The following SLC35F4 variants were observed in gnomAD, a reference collection of about 807,000 sequenced individuals.
SLC35F4 encodes the protein solute carrier family 35 member F4, also known as chromosome 14 open reading frame 36.
SLC35F4 carries 24 observed loss-of-function variants against 44.2 expected under a neutral mutation model. The ratio of observed to expected loss-of-function variants is 0.54; its 90% CI spans 0.39 to 0.76. The LOEUF (loss-of-function observed/expected upper bound fraction) is 0.76. SLC35F4 is among the 30% of genes least tolerant of loss of function. The pLI is 0.00. For synonymous variants in SLC35F4, 238 were observed against 223.6 expected (o/e 1.06, Z -0.57); for missense variants, 562 against 586.1 (o/e 0.96, Z 0.42).
At chr14:57,927,467 G>GT (rs34018712) in intron 1 of SLC35F4, among the ~76,000 whole-genome samples, 13,689 of 140,662 alleles carry the variant, frequency 0.097, 1,624 homozygotes, top group East Asian at 0.4. Flanking sequence ...GGTGGTTTGA[G>GT]TTTTTTTTTT....
chr14:57,970,448 T>C (rs556672229), intron 1 of SLC35F4, among the ~76,000 whole-genome samples: 7 of 152,210 alleles, frequency 4.6e-5, no homozygotes, highest in Non-Finnish European at 8.8e-5. Context: ...TCAGAAAGCC[T>C]GCATGACAGT....
intron 1 of SLC35F4, among the ~76,000 whole-genome samples, chr14:57,886,756 C>T (rs60381873): frequency 0.018 from 2,695 of 147,450 alleles, 85 homozygotes; most frequent in African/African-American, 0.064. Context: ...AGCTTTTGGC[C>T]GAAAAAAAAA....
At chr14:57,900,665 C>T (rs1046147239) in intron 1 of SLC35F4, among the ~76,000 whole-genome samples, 1 of 152,060 alleles carries the variant, frequency 6.6e-6, no homozygotes, top group Non-Finnish European at 1.5e-5. Flanking sequence ...GCAACAAAAG[C>T]AAAAATTGAC....
At chr14:57,977,981 G>C (rs1285642032) in intron 1 of SLC35F4, among the ~76,000 whole-genome samples, 1 of 152,122 alleles carries the variant, frequency 6.6e-6, no homozygotes, top group Admixed American at 6.6e-5. Flanking sequence ...CAGGATTCAG[G>C]GAGGAGCAAA....
chr14:57,582,645 G>T (rs1164865636), intron 3 of SLC35F4, among the ~76,000 whole-genome samples: 1 of 152,152 alleles, frequency 6.6e-6, no homozygotes, highest in Non-Finnish European at 1.5e-5. Flanking sequence ...CCACTCGATT[G>T]TTCATGAACA....
chr14:57,882,755 A>G (rs903722906), intron 1 of SLC35F4, among the ~76,000 whole-genome samples: 3 of 152,172 alleles, frequency 2.0e-5, no homozygotes, highest in African/African-American at 7.2e-5. Flanking sequence ...AAAAGTTGCA[A>G]TAAAACATGA....
rs184969214 is a variant in SLC35F4 at position 57,924,201 on chromosome 14, C to T, written n.282+57712G>A. Reference sequence around the variant, plus strand: ...AATTGCCCAATCTCAGGTATGTCTTCATCAGCAGTGTGAGAATGAACCAAT... The same window carrying T: ...AATTGCCCAATCTCAGGTATGTCTTTATCAGCAGTGTGAGAATGAACCAAT... On this transcript the variant is annotated intron_variant and non_coding_transcript_variant, in intron 1 of 1. Transcript: ENST00000556568. Among the ~76,000 whole-genome samples the T allele has an allele frequency of 3.6e-3, 554 of 152,276 alleles. 3 individuals are homozygous for T. The highest frequency in any genetic ancestry group is 0.013 in the African/African-American group (533 of 41,562).
intron 1 of SLC35F4, among the ~76,000 whole-genome samples, chr14:57,818,410 A>G (rs961492957): frequency 2.6e-5 from 4 of 152,194 alleles, no homozygotes; most frequent in African/African-American, 9.7e-5. Context: ...ATAATAATCA[A>G]TTAATCATAT....
intron 1 of SLC35F4, among the ~76,000 whole-genome samples, chr14:57,756,312 A>AT (rs2140592493): frequency 6.6e-6 from 1 of 152,190 alleles, no homozygotes; most frequent in South Asian, 2.1e-4. Context: ...CAAAGAAGAC[A>AT]TTTTTGATCT....
At chr14:57,766,936 C>T (rs1239921338) in intron 1 of SLC35F4, among the ~76,000 whole-genome samples, 10 of 152,024 alleles carry the variant, frequency 6.6e-5, no homozygotes, top group Admixed American at 2.6e-4. Flanking sequence ...AAATTCACTT[C>T]GAATTCTACA....
At chr14:57,798,348 T>G (rs2078105637) in intron 1 of SLC35F4, among the ~76,000 whole-genome samples, 1 of 151,992 alleles carries the variant, frequency 6.6e-6, no homozygotes, top group Non-Finnish European at 1.5e-5. Flanking sequence ...AAAATGACAG[T>G]GAAAACAATT....
intron 1 of SLC35F4, among the ~76,000 whole-genome samples, chr14:57,926,263 C>T (rs1054254449): frequency 1.3e-5 from 2 of 152,234 alleles, no homozygotes; most frequent in African/African-American, 4.8e-5. Flanking sequence ...CAGTGTTCAG[C>T]ACGTGCTCTA....
At chr14:57,717,948 T>C (rs1430733429) in intron 1 of SLC35F4, among the ~76,000 whole-genome samples, 1 of 152,222 alleles carries the variant, frequency 6.6e-6, no homozygotes, top group African/African-American at 2.4e-5. Flanking sequence ...ATACTATTGA[T>C]AGCACTCTTA....
chr14:57,771,343 C>G (rs753995317), intron 1 of SLC35F4, among the ~76,000 whole-genome samples: 1 of 152,142 alleles, frequency 6.6e-6, no homozygotes, highest in Non-Finnish European at 1.5e-5. Context: ...GCCTTCCATC[C>G]ATAAGTGGGG....
chr14:57,698,730 C>G (rs1189378140), intron 1 of SLC35F4, among the ~76,000 whole-genome samples: 1 of 151,850 alleles, frequency 6.6e-6, no homozygotes, highest in African/African-American at 2.4e-5. Context: ...CTCTACCTCC[C>G]AGGTTCAAGT....
At position 57,581,275 on chromosome 14, in the gene SLC35F4, T is replaced by C. The variant is rs1329252976; in HGVS notation, c.746A>G (p.Asn249Ser). Reference sequence around the variant, plus strand: ...TGACAGCAAGAAGACAAAGGCTTTGTTACAACAGAACAGAGCGGAGACATC... The same window carrying C: ...TGACAGCAAGAAGACAAAGGCTTTGCTACAACAGAACAGAGCGGAGACATC... ...ATDVSALFCCNKAFVFLLSWI... is the reference protein window; with the variant it reads ...ATDVSALFCCSKAFVFLLSWI... Residue 249 changes from asparagine to serine, a missense_variant, in exon 4 of 8, where the codon AAC becomes AGC. By Grantham distance (46) the Asn-to-Ser change is conservative. Coordinates refer to ENST00000556826, the MANE Select transcript of SLC35F4 (RefSeq NM_001306087.2). 1 of 1,610,418 alleles carries C rather than the reference T, an allele frequency of 6.2e-7. No homozygotes were observed. Among genetic ancestry groups the C allele is most frequent in the East Asian group, 2.2e-5 (1 of 44,846 alleles).
chr14:57,917,823 C>A (rs76358723), intron 1 of SLC35F4, among the ~76,000 whole-genome samples: 2 of 152,136 alleles, frequency 1.3e-5, no homozygotes. Flanking sequence ...TTTTTCAATC[C>A]ATTTCCACCC....
At chr14:57,593,894 G>T in intron 2 of SLC35F4, 45 bp downstream of exon 2, 1 of 1,589,950 alleles carries the variant, frequency 6.3e-7, no homozygotes, top group Non-Finnish European at 8.6e-7. Flanking sequence ...CTATTTAGAA[G>T]CTTACTAGGA....
chr14:57,959,565 C>A (rs1890304507), intron 1 of SLC35F4, among the ~76,000 whole-genome samples: 1 of 152,146 alleles, frequency 6.6e-6, no homozygotes, highest in Admixed American at 6.5e-5. Flanking sequence ...ATTCAGCAGA[C>A]CCTACTGTCC....
Sources: allele counts gnomAD v4.1 joint callset (sites outside exome capture counted in the v4.1 genomes callset), GRCh38; gene constraint gnomAD v4.1.1; transcripts MANE v1.5; gene names NCBI Gene and HGNC (gene_info 2026-07-23, HGNC 2026-07-21).